The following TMEM245 variants were observed in gnomAD, a reference collection of about 807,000 sequenced individuals.
TMEM245 encodes protein CG-2.
A neutral mutation model predicts 101.2 loss-of-function variants in TMEM245; 69 were observed. The observed-to-expected ratio is 0.68, with a 90% CI of 0.56 to 0.83. TMEM245 has a LOEUF of 0.83. Among genes scored for constraint, TMEM245 ranks in the 40% least tolerant of loss-of-function variants. The pLI is 0.00. For synonymous variants in TMEM245, 537 were observed against 449.8 expected (o/e 1.19, Z -2.45); for missense variants, 1,075 against 1,092.8 (o/e 0.98, Z 0.23).
intron 9 of TMEM245, 115 bp from the exon 10 acceptor site, chr9:109,064,682 A>G (rs1188235168): frequency 6.9e-6 from 5 of 727,650 alleles, no homozygotes; most frequent in Non-Finnish European, 1.1e-5. Context: ...TCATTCACCA[A>G]TACACAGATA....
At chr9:109,060,026 A>C (rs1004153498) in intron 11 of TMEM245, among the ~76,000 whole-genome samples, 3 of 152,232 alleles carry the variant, frequency 2.0e-5, no homozygotes, top group African/African-American at 7.2e-5. Flanking sequence ...AAAACAGGTA[A>C]AATTCGTTTA....
chr9:109,067,197 C>G (rs1829197507), intron 9 of TMEM245, among the ~76,000 whole-genome samples: 1 of 152,148 alleles, frequency 6.6e-6, no homozygotes, highest in East Asian at 1.9e-4. Context: ...CACAGGTTTC[C>G]TAAGAGCAAC....
At chr9:109,033,610 A>C (rs1828031990) in intron 16 of TMEM245, 109 bp from the exon 17 acceptor site, 2 of 1,061,664 alleles carry the variant, frequency 1.9e-6, no homozygotes, top group South Asian at 4.4e-5. Flanking sequence ...GCATATTATC[A>C]GCTTTCTTTA....
At chr9:109,092,831 G>A (rs373068262) in intron 4 of TMEM245, among the ~76,000 whole-genome samples, 5 of 152,290 alleles carry the variant, frequency 3.3e-5, no homozygotes, top group Admixed American at 6.5e-5. Flanking sequence ...TTCCTCAGGA[G>A]CCTGCAATTC....
chr9:109,049,344 C>T (rs773147838), intron 14 of TMEM245, among the ~76,000 whole-genome samples: 20 of 152,282 alleles, frequency 1.3e-4, no homozygotes, highest in Non-Finnish European at 2.2e-4. Context: ...TCTTAAGTAG[C>T]TGGGACTACA....
intron 17 of TMEM245, among the ~76,000 whole-genome samples, chr9:109,032,839 C>T (rs1259425466): frequency 1.4e-5 from 2 of 142,330 alleles, no homozygotes; most frequent in South Asian, 2.2e-4. Flanking sequence ...TATGCTGTTG[C>T]CCAGGCTAGA....
At position 109,087,200 on chromosome 9, in the gene TMEM245, T is replaced by C. The variant is rs770278743; in HGVS notation, c.1293A>G (p.Gly431=). Residue 431 remains glycine (G), a synonymous_variant, in exon 6 of 18, where the codon GGA becomes GGG. Transcript: ENST00000374586. ...ALAPWPIVGL[G]KFLLKVDSKL... ...TGCTATCAACTTTTAACAAGAATTTTCCAAGCCCGACAATGGGCCAAGGCG... is the reference window on the plus strand; with the variant it reads ...TGCTATCAACTTTTAACAAGAATTTCCCAAGCCCGACAATGGGCCAAGGCG... The C allele has an allele frequency of 6.2e-6, 10 of 1,610,192 alleles. No individual in the cohort carries two copies. The highest frequency in any genetic ancestry group is 1.3e-5 in the African/African-American group (1 of 74,626).
intron 7 of TMEM245, among the ~76,000 whole-genome samples, chr9:109,081,986 A>C (rs1287489124): frequency 6.6e-6 from 1 of 152,238 alleles, no homozygotes; most frequent in African/African-American, 2.4e-5. Context: ...CTAGATTAAT[A>C]ACTGCTGAAA....
chr9:109,103,733 G>A (rs1374091065), intron 3 of TMEM245, among the ~76,000 whole-genome samples: 1 of 152,092 alleles, frequency 6.6e-6, no homozygotes, highest in East Asian at 1.9e-4. Context: ...CCAGAGGCTG[G>A]GAAGGATAGT....
chr9:109,044,638 G>T lies in TMEM245; in HGVS notation c.2123+5645C>A, dbSNP rs1828420908. Among the ~76,000 whole-genome samples the T allele has an allele frequency of 3.3e-5, 5 of 152,028 alleles. No individual in the cohort carries two copies. The South Asian group carries it at 1.0e-3, about 32-fold the overall frequency. Reference sequence around the variant, plus strand: ...ACAATAACCAGTGGGAAAAGTACTCGCCAGCTCCCTTGACTGCTCTCTACA... The same window carrying T: ...ACAATAACCAGTGGGAAAAGTACTCTCCAGCTCCCTTGACTGCTCTCTACA... On this transcript the variant is annotated intron_variant, in intron 14 of 17. Coordinates refer to ENST00000374586, the MANE Select transcript of TMEM245 (RefSeq NM_032012.4).
chr9:109,103,420 C>T (rs1830328993), intron 3 of TMEM245, among the ~76,000 whole-genome samples: 1 of 152,196 alleles, frequency 6.6e-6, no homozygotes, highest in Non-Finnish European at 1.5e-5. Flanking sequence ...CTACAAAACA[C>T]TGCTGACTCC....
chr9:109,058,125 C>T (rs1047679340), intron 11 of TMEM245, among the ~76,000 whole-genome samples: 4 of 151,214 alleles, frequency 2.6e-5, no homozygotes, highest in African/African-American at 7.3e-5. Context: ...CTCAGCCTCC[C>T]GAGTAGCTGT....
At chr9:109,095,696 T>C (rs949204114) in intron 3 of TMEM245, among the ~76,000 whole-genome samples, 3 of 152,224 alleles carry the variant, frequency 2.0e-5, no homozygotes, top group Admixed American at 6.5e-5. Context: ...TATACTCATA[T>C]GCAGTTGCAA....
At chr9:109,075,546 T>C (rs1829472903) in intron 8 of TMEM245, among the ~76,000 whole-genome samples, 1 of 152,260 alleles carries the variant, frequency 6.6e-6, no homozygotes, top group Non-Finnish European at 1.5e-5. Flanking sequence ...GTCCTCATAG[T>C]GGGCTACAAT....
At chr9:109,078,284 A>C (rs561845292) in intron 8 of TMEM245, among the ~76,000 whole-genome samples, 11 of 152,238 alleles carry the variant, frequency 7.2e-5, no homozygotes, top group African/African-American at 2.6e-4. Flanking sequence ...TTCTTTAGTC[A>C]TATTTGTTTA....
chr9:109,113,521 C>T (rs1244732928), intron 1 of TMEM245, among the ~76,000 whole-genome samples: 1 of 152,196 alleles, frequency 6.6e-6, no homozygotes, highest in African/African-American at 2.4e-5. Flanking sequence ...GTGCTAGACA[C>T]TACATAAGAC....
At chr9:109,027,206 G>C (rs367609637) in intron 17 of TMEM245, among the ~76,000 whole-genome samples, 2 of 152,076 alleles carry the variant, frequency 1.3e-5, no homozygotes, top group African/African-American at 4.8e-5. Context: ...GGTGGGAGAT[G>C]GGGGTAAACA....
At chr9:109,083,795 C>G (rs1031944790) in intron 7 of TMEM245, among the ~76,000 whole-genome samples, 1 of 150,034 alleles carries the variant, frequency 6.7e-6, no homozygotes, top group Non-Finnish European at 1.5e-5. Flanking sequence ...GTGGCTCACA[C>G]CTATAATCCT....
chr9:109,062,738 T>C (rs1022938423), intron 10 of TMEM245, among the ~76,000 whole-genome samples: 1 of 152,160 alleles, frequency 6.6e-6, no homozygotes, highest in Non-Finnish European at 1.5e-5. Flanking sequence ...TGGGAGGCCA[T>C]GGTGGAAGGA....
Sources: gnomAD v4.1 joint callset for allele counts (sites outside exome capture counted in the v4.1 genomes callset) on GRCh38, gnomAD v4.1.1 for gene constraint, MANE v1.5 for transcripts, NCBI Gene and HGNC (gene_info 2026-07-23, HGNC 2026-07-21) for gene names.